The following CSMD1 variants were observed in gnomAD, a reference collection of about 807,000 sequenced individuals.
The protein encoded by CSMD1 is CUB and sushi domain-containing protein 1.
A neutral mutation model predicts 417.5 loss-of-function variants in CSMD1; 213 were observed. That is an observed-to-expected ratio of 0.51 (90% CI 0.46 to 0.57). CSMD1 has a LOEUF of 0.57. Among genes scored for constraint, CSMD1 ranks in the 20% least tolerant of loss-of-function variants. The pLI, the probability that CSMD1 is intolerant of heterozygous loss-of-function variation, is 0.00. For synonymous variants in CSMD1, 2,862 were observed against 1,736.8 expected (o/e 1.65, Z -16.11); for missense variants, 6,923 against 4,529.7 (o/e 1.53, Z -15.17).
intron 10 of CSMD1, among the ~76,000 whole-genome samples, chr8:3,507,039 T>A (rs977275079): frequency 6.6e-6 from 1 of 152,184 alleles, no homozygotes; most frequent in Non-Finnish European, 1.5e-5. Flanking sequence ...CAAACGTATA[T>A]ACCAAGTGCC....
intron 41 of CSMD1, chr8:3,127,446 C>G (rs916037028): frequency 3.3e-5 from 5 of 152,150 alleles, no homozygotes; most frequent in Admixed American, 2.0e-4. Context: ...TTTGCATGCT[C>G]ACATAATTCA....
At chr8:4,912,521 C>G (rs967137680) in intron 1 of CSMD1, among the ~76,000 whole-genome samples, 1 of 152,122 alleles carries the variant, frequency 6.6e-6, no homozygotes, top group African/African-American at 2.4e-5. Flanking sequence ...GCCAGATGCC[C>G]CATAAGCTCG....
At chr8:4,197,309 A>C (rs191215344) in intron 3 of CSMD1, among the ~76,000 whole-genome samples, 29 of 152,368 alleles carry the variant, frequency 1.9e-4, no homozygotes, top group African/African-American at 7.0e-4. Context: ...GGGTAATGTT[A>C]TACAACAACC....
At chr8:4,571,094 C>A (rs573807321) in intron 2 of CSMD1, among the ~76,000 whole-genome samples, 16 of 152,174 alleles carry the variant, frequency 1.1e-4, no homozygotes, top group African/African-American at 3.6e-4. Context: ...AGAATATCAG[C>A]TCCTGGATTC....
intron 7 of CSMD1, among the ~76,000 whole-genome samples, chr8:3,705,764 A>C (rs1801132630): frequency 6.6e-6 from 1 of 152,156 alleles, no homozygotes; most frequent in African/African-American, 2.4e-5. Flanking sequence ...TAATCTCTAG[A>C]ATCTCAAGAA....
At chr8:4,846,746 C>G (rs922797380) in intron 1 of CSMD1, among the ~76,000 whole-genome samples, 3 of 152,090 alleles carry the variant, frequency 2.0e-5, no homozygotes, top group Admixed American at 2.0e-4. Context: ...ATCTTGCTTC[C>G]CAGGTCAAGG....
At chr8:3,983,936 G>A (rs1290329943) in intron 5 of CSMD1, among the ~76,000 whole-genome samples, 2 of 125,022 alleles carry the variant, frequency 1.6e-5, no homozygotes, top group African/African-American at 6.0e-5. Context: ...GCTGTCAATT[G>A]CAACTCTAGA....
chr8:4,464,833 ATC>A (rs1398396635), intron 2 of CSMD1, among the ~76,000 whole-genome samples: 30 of 151,364 alleles, frequency 2.0e-4, no homozygotes, highest in African/African-American at 5.6e-4. Context: ...GGAGGAAAGT[ATC>A]TATGATCCCA....
At chr8:2,959,204 C>A (rs755658675) in intron 62 of CSMD1, among the ~76,000 whole-genome samples, 2 of 152,304 alleles carry the variant, frequency 1.3e-5, no homozygotes, top group Middle Eastern at 6.8e-3. Context: ...CTCCAGGGCT[C>A]AAGTAGCTCC....
intron 2 of CSMD1, among the ~76,000 whole-genome samples, chr8:4,462,567 T>C (rs547373680): frequency 5.3e-5 from 8 of 152,276 alleles, no homozygotes; most frequent in African/African-American, 1.9e-4. Flanking sequence ...AATTTCAATA[T>C]TCATACCTAC....
intron 6 of CSMD1, among the ~76,000 whole-genome samples, chr8:3,724,339 C>G (rs970475280): frequency 1.3e-5 from 2 of 151,936 alleles, no homozygotes; most frequent in East Asian, 3.8e-4. Flanking sequence ...CCAATGCTAT[C>G]CCGGGTTTTT....
At chr8:4,734,964 A>C (rs1187918517) in intron 1 of CSMD1, among the ~76,000 whole-genome samples, 2 of 152,162 alleles carry the variant, frequency 1.3e-5, no homozygotes, top group Admixed American at 1.3e-4. Flanking sequence ...GGATTCTGGG[A>C]AAGTTTCCAT....
chr8:4,079,315 G>A (rs952084770), intron 3 of CSMD1, among the ~76,000 whole-genome samples: 18 of 152,110 alleles, frequency 1.2e-4, no homozygotes, highest in African/African-American at 4.1e-4. Flanking sequence ...ATTGTGACTA[G>A]GCAATGTCTG....
chr8:4,192,331 G>C (rs150179156), intron 3 of CSMD1, among the ~76,000 whole-genome samples: 2 of 152,124 alleles, frequency 1.3e-5, no homozygotes, highest in African/African-American at 2.4e-5. Flanking sequence ...CAAGCTTCAG[G>C]AGGAGCTATA....
chr8:4,524,188 A>G (rs1796388081), intron 2 of CSMD1, among the ~76,000 whole-genome samples: 1 of 152,042 alleles, frequency 6.6e-6, no homozygotes, highest in Non-Finnish European at 1.5e-5. Flanking sequence ...GGGGGAAGCT[A>G]GGGGGAAATT....
At chr8:4,687,836 T>TAC (rs35687334) in intron 1 of CSMD1, among the ~76,000 whole-genome samples, 8,687 of 149,126 alleles carry the variant, frequency 0.058, 510 homozygotes, top group African/African-American at 0.15. Flanking sequence ...CATACATACA[T>TAC]ACACACACAC....
At chr8:3,732,312 T>C (rs573466992) in intron 6 of CSMD1, among the ~76,000 whole-genome samples, 1 of 152,188 alleles carries the variant, frequency 6.6e-6, no homozygotes, top group South Asian at 2.1e-4. Context: ...AAAATAATTT[T>C]GATCAAGTCA....
At chr8:4,072,707 G>A (rs928935806) in intron 3 of CSMD1, among the ~76,000 whole-genome samples, 2 of 152,082 alleles carry the variant, frequency 1.3e-5, no homozygotes, top group South Asian at 2.1e-4. Flanking sequence ...CTGTGAATTG[G>A]GAATACAGAA....
chr8:4,451,950 TAATATATA>T (rs1799172354), intron 2 of CSMD1, among the ~76,000 whole-genome samples: 1 of 148,482 alleles, frequency 6.7e-6, no homozygotes, highest in Admixed American at 6.7e-5. Flanking sequence ...TTATTATATA[TAATATATA>T]AATATATATA....
Sources: gnomAD v4.1 joint callset for allele counts (sites outside exome capture counted in the v4.1 genomes callset) on GRCh38, gnomAD v4.1.1 for gene constraint, MANE v1.5 for transcripts, NCBI Gene and HGNC (gene_info 2026-07-23, HGNC 2026-07-21) for gene names.